The following GID8 variants were observed in gnomAD, a reference collection of about 807,000 sequenced individuals.
GID8 encodes glucose-induced degradation protein 8 homolog.
GID8 carries 6 observed loss-of-function variants against 27.4 expected under a neutral mutation model. The ratio of observed to expected loss-of-function variants is 0.22; its 90% CI spans 0.12 to 0.43. The LOEUF (loss-of-function observed/expected upper bound fraction) is 0.43, where lower values mean the gene tolerates loss of function less well. Among genes scored for constraint, GID8 ranks in the 20% least tolerant of loss-of-function variants. The probability of loss-of-function intolerance (pLI) is 1.00; values close to 1 mark genes in which losing one functional copy is unlikely to be tolerated. For missense variants in GID8, 173 were observed against 287.6 expected, an observed-to-expected ratio of 0.60 and a Z score of 2.88; for synonymous variants, 112 against 109.0, an observed-to-expected ratio of 1.03 and a Z score of -0.17.
At chr20:62,944,170 C>T (rs567219010) in intron 4 of GID8, among the ~76,000 whole-genome samples, 14 of 152,198 alleles carry the variant, frequency 9.2e-5, no homozygotes, top group South Asian at 4.1e-4. Context: ...CTAGGGACAA[C>T]GGACTTGGTG....
intron 4 of GID8, 26 bp from the exon 5 acceptor site, chr20:62,944,713 T>A (rs1568903752): frequency 7.2e-6 from 11 of 1,534,198 alleles, no homozygotes; most frequent in Non-Finnish European, 9.9e-6. Context: ...GTATGGTGGT[T>A]TTTATCAGAT....
chr20:62,945,898 C>T lies in GID8; in HGVS notation c.*986C>T. ...AGTGATCTGCCCTCCAGCATCTCGG[C>T]AGCATCTCATCCTCCATCGTCAGCT... On this transcript the variant is annotated 3_prime_UTR_variant, in exon 5 of 5. Coordinates refer to ENST00000266069, the MANE Select transcript of GID8 (RefSeq NM_017896.3). 7.8e-7 allele frequency: 1 copy of T among 1,289,580 alleles called. No homozygotes were observed. The highest frequency in any genetic ancestry group is 1.0e-6 in the Non-Finnish European group (1 of 988,852). The allele number at this position is 1,289,580 out of a possible 1,614,324, so 79.9% of individuals were successfully genotyped here. A position where few individuals can be genotyped will look rare whatever the true frequency, so the allele number is the denominator to read the frequency against.
rs1285736075 is a variant in GID8 at position 62,948,324 on chromosome 20, C to T, written c.*3412C>T. The T allele has an allele frequency of 6.6e-6, 1 of 152,190 alleles. No individual in the cohort carries two copies. The highest frequency in any genetic ancestry group is 6.5e-5 in the Admixed American group (1 of 15,282). The allele number at this position is 152,190 out of a possible 1,614,324, so 9.4% of individuals were successfully genotyped here. ...ATTTAAAGTCCTGTATGAACCATAA[C>T]CTGCTGTGGTACCTTTGTACATGTT... On this transcript the variant is annotated 3_prime_UTR_variant, in exon 5 of 5. Coordinates refer to ENST00000266069, the MANE Select transcript of GID8 (RefSeq NM_017896.3).
In GID8 at chr20:62,945,724, T is replaced by C. The variant is rs1273367403; in HGVS notation, c.*812T>C. 4 of 1,205,176 alleles carry C rather than the reference T, an allele frequency of 3.3e-6. No individual in the cohort carries two copies. The highest frequency in any genetic ancestry group is 4.2e-6 in the Non-Finnish European group (4 of 944,684). 74.7% of individuals were successfully genotyped at this position (1,205,176 alleles called of 1,614,324 possible). On this transcript the variant is annotated 3_prime_UTR_variant, in exon 5 of 5. Transcript: ENST00000266069. ...TTCCCCCTGTGATAGCGGCAGTGGC[T>C]TTTTCTGGTACCTGCAGCTGGAAAG... is the stretch of plus-strand genomic sequence containing the variant.
At chr20:62,940,936 T>A (rs2065440425) in intron 1 of GID8, among the ~76,000 whole-genome samples, 3 of 152,174 alleles carry the variant, frequency 2.0e-5, no homozygotes, top group Non-Finnish European at 4.4e-5. Flanking sequence ...TGATGGGGAG[T>A]GCCCCCAAAC....
chr20:62,941,030 A>G (rs1244895230), intron 1 of GID8, among the ~76,000 whole-genome samples: 2 of 152,216 alleles, frequency 1.3e-5, no homozygotes, highest in Admixed American at 1.3e-4. Flanking sequence ...CATCTGCCCA[A>G]GGGTTTTAAA....
At chr20:62,940,540 G>A (rs2065438633) in intron 1 of GID8, among the ~76,000 whole-genome samples, 1 of 151,926 alleles carries the variant, frequency 6.6e-6, no homozygotes, top group South Asian at 2.1e-4. Flanking sequence ...TAGTAGAGAC[G>A]GGGTTTCACC....
intron 1 of GID8, chr20:62,938,509 C>G (rs1055118096): frequency 6.6e-6 from 1 of 151,818 alleles, no homozygotes; most frequent in East Asian, 2.0e-4. Context: ...GGGGCGGTCC[C>G]GGCCAGCCTG....
At chr20:62,944,660 T>A in intron 4 of GID8, 79 bp from the exon 5 acceptor site, 1 of 1,000,064 alleles carries the variant, frequency 1.0e-6, no homozygotes, top group Non-Finnish European at 1.6e-6. Flanking sequence ...TTAATGTTTG[T>A]TTAAACTGCC....
intron 2 of GID8, among the ~76,000 whole-genome samples, chr20:62,942,138 C>G (rs2065446368): frequency 1.3e-5 from 2 of 152,200 alleles, no homozygotes; most frequent in Admixed American, 1.3e-4. Flanking sequence ...TCCCCAGTTC[C>G]TTCTCCCAAA....
Position 62,943,749 on chromosome 20 carries a change from C to A in GID8, c.513+57C>A. 1 of 1,320,810 alleles carries A rather than the reference C, an allele frequency of 7.6e-7. No individual in the cohort carries two copies. The allele number at this position is 1,320,810 out of a possible 1,614,324, so 81.8% of individuals were successfully genotyped here. On this transcript the variant is annotated intron_variant, in intron 4 of 4. Transcript: ENST00000266069. This position sits in a 1 kb window ranked among gnomAD's most constrained non-coding sequence, Gnocchi z 4.7. ...TTCCCCATGTGCTCTGAGGGGGCTT[C>A]GTGACAACGCCAAGTGTGTGGCTTT...
At chr20:62,942,423 G>C (rs1268954775) in intron 2 of GID8, among the ~76,000 whole-genome samples, 1 of 152,216 alleles carries the variant, frequency 6.6e-6, no homozygotes, top group African/African-American at 2.4e-5. Flanking sequence ...CTGCACTCCA[G>C]CCTGGGAGAG....
In GID8 at chr20:62,945,077, A is replaced by G; in HGVS notation, c.*165A>G. On this transcript the variant is annotated 3_prime_UTR_variant, in exon 5 of 5. Coordinates refer to ENST00000266069, the MANE Select transcript of GID8 (RefSeq NM_017896.3). ...ATAGGGAAAAATGGCCTTTGTAGGC[A>G]GTGGAAAACTTGCAAGGAAAGCTGC... 4 of 1,414,290 alleles carry G rather than the reference A, an allele frequency of 2.8e-6. No individual in the cohort carries two copies. The highest frequency in any genetic ancestry group is 1.6e-5 in the South Asian group (1 of 62,722). 87.6% of individuals were successfully genotyped at this position (1,414,290 alleles called of 1,614,324 possible).
At chr20:62,940,894 C>T (rs1164001525) in intron 1 of GID8, among the ~76,000 whole-genome samples, 34 of 152,252 alleles carry the variant, frequency 2.2e-4, no homozygotes, top group Non-Finnish European at 1.3e-4. Context: ...GTATAGATAC[C>T]TAACACATTT....
chr20:62,943,243 A>T lies in GID8; in HGVS notation c.315+60A>T. 8.0e-7 allele frequency: 1 copy of T among 1,256,836 alleles called. No individual in the cohort carries two copies. Among genetic ancestry groups the T allele is most frequent in the Non-Finnish European group, 1.1e-6 (1 of 895,634 alleles). The allele number at this position is 1,256,836 out of a possible 1,614,324, so 77.9% of individuals were successfully genotyped here. ...TACTTGATAAGTTAAAGTTATTTGCAATGATTGAGAAATAACTAGGCTAAT... is the reference window on the plus strand; with the variant it reads ...TACTTGATAAGTTAAAGTTATTTGCTATGATTGAGAAATAACTAGGCTAAT... On this transcript the variant is annotated intron_variant, in intron 3 of 4. Coordinates refer to ENST00000266069, the MANE Select transcript of GID8 (RefSeq NM_017896.3). The surrounding 1 kb of genome is among the most constrained non-coding windows in gnomAD (Gnocchi z 4.7).
intron 1 of GID8, chr20:62,938,600 A>C (rs546541684): frequency 1.3e-5 from 2 of 152,352 alleles, no homozygotes; most frequent in African/African-American, 4.8e-5. Flanking sequence ...TTTAAAGCAG[A>C]AACCGAGCGG....
rs936230703 is a variant in GID8, at chr20:62,947,825, T to G, written c.*2913T>G. The G allele has an allele frequency of 1.3e-5, 2 of 152,212 alleles. No homozygotes were observed. Among genetic ancestry groups the G allele is most frequent in the African/African-American group, 4.8e-5 (2 of 41,454 alleles). 9.4% of individuals were successfully genotyped at this position (152,212 alleles called of 1,614,324 possible). A position where few individuals can be genotyped will look rare whatever the true frequency, so the allele number is the denominator to read the frequency against. On this transcript the variant is annotated 3_prime_UTR_variant, in exon 5 of 5. Coordinates refer to ENST00000266069, the MANE Select transcript of GID8 (RefSeq NM_017896.3). ...GTGATCTGAAAACATGTAGAGAAGATGAGTTGAGGACAGCTTTTCTAAGGC... is the reference window on the plus strand; with the variant it reads ...GTGATCTGAAAACATGTAGAGAAGAGGAGTTGAGGACAGCTTTTCTAAGGC...
Position 62,947,683 on chromosome 20 carries a change from A to C in GID8, c.*2771A>C, listed in dbSNP as rs1416299289. On this transcript the variant is annotated 3_prime_UTR_variant, in exon 5 of 5. Transcript: ENST00000266069. ...AGGGTCTCCAGTTTCTAGAAAAGGC[A>C]GACACTGGTTGGGACCAAAGTCTCC... 6.6e-6 allele frequency: 1 copy of C among 152,342 alleles called. No homozygotes were observed. The highest frequency in any genetic ancestry group is 1.5e-5 in the Non-Finnish European group (1 of 68,044). 9.4% of individuals were successfully genotyped at this position (152,342 alleles called of 1,614,324 possible).
chr20:62,941,228 A>G (rs190993776), intron 1 of GID8, among the ~76,000 whole-genome samples: 161 of 152,370 alleles, frequency 1.1e-3, no homozygotes, highest in African/African-American at 3.7e-3. Flanking sequence ...GGTTGTGAGG[A>G]GCACACATGT....
Sources: gnomAD v4.1 joint callset for allele counts (sites outside exome capture counted in the v4.1 genomes callset) on GRCh38, gnomAD v4.1.1 for gene constraint, Gnocchi (gnomAD v3.1) non-coding constraint, MANE v1.5 for transcripts, NCBI Gene and HGNC (gene_info 2026-07-23, HGNC 2026-07-21) for gene names.